The following DISC1 variants were observed in gnomAD, a reference collection of about 807,000 sequenced individuals.
DISC1 encodes the protein disrupted in schizophrenia 1 protein.
A neutral mutation model predicts 84.5 loss-of-function variants in DISC1; 57 were observed. The ratio of observed to expected loss-of-function variants is 0.67; its 90% CI spans 0.55 to 0.84. The LOEUF is 0.84. DISC1 is among the 40% of genes least tolerant of loss of function. The probability of loss-of-function intolerance (pLI) is 0.00; values close to 1 mark genes in which losing one functional copy is unlikely to be tolerated. For synonymous variants in DISC1, 411 were observed against 415.2 expected, an observed-to-expected ratio of 0.99 and a Z score of 0.12; for missense variants, 1,000 against 1,057.8, an observed-to-expected ratio of 0.95 and a Z score of 0.76.
intron 9 of DISC1, among the ~76,000 whole-genome samples, chr1:231,834,431 G>A (rs955544208): frequency 1.4e-4 from 22 of 152,054 alleles, no homozygotes; most frequent in African/African-American, 4.8e-4. Flanking sequence ...GGGAGGGACC[G>A]ATGTGTAAAA....
chr1:231,868,629 G>A (rs4658885), intron 9 of DISC1, among the ~76,000 whole-genome samples: 119,708 of 148,116 alleles, frequency 0.81, 49,001 homozygotes, highest in East Asian at 0.99. Context: ...GGAGGCTGAC[G>A]TGGGGATCAC....
chr1:231,889,821 C>A (rs186798741), intron 9 of DISC1, among the ~76,000 whole-genome samples: 3 of 151,996 alleles, frequency 2.0e-5, no homozygotes, highest in African/African-American at 7.3e-5. Context: ...CTGTCATAGA[C>A]GACACTGTGT....
chr1:231,933,715 TA>T (rs1408608416), intron 9 of DISC1, among the ~76,000 whole-genome samples: 2 of 152,224 alleles, frequency 1.3e-5, no homozygotes, highest in Non-Finnish European at 2.9e-5. Context: ...CTTTTAAAAT[TA>T]AATATGTCTC....
intron 9 of DISC1, among the ~76,000 whole-genome samples, chr1:231,921,976 A>G (rs2090040631): frequency 6.6e-6 from 1 of 152,150 alleles, no homozygotes; most frequent in South Asian, 2.1e-4. Flanking sequence ...TTTGATCACC[A>G]TCTGCCTTTT....
chr1:231,991,519 C>T (rs1357913228), intron 10 of DISC1, among the ~76,000 whole-genome samples: 2 of 152,144 alleles, frequency 1.3e-5, no homozygotes, highest in African/African-American at 4.8e-5. Context: ...CTGAAGGGCA[C>T]TTACTAGGAA....
At chr1:232,018,327 A>G (rs555315259) in intron 11 of DISC1, among the ~76,000 whole-genome samples, 62 of 152,158 alleles carry the variant, frequency 4.1e-4, no homozygotes, top group Non-Finnish European at 7.2e-4. Context: ...TCCACATGTC[A>G]TAGGGAAAGA....
chr1:231,967,231 C>G (rs1264040172), intron 10 of DISC1, among the ~76,000 whole-genome samples: 1 of 152,192 alleles, frequency 6.6e-6, no homozygotes, highest in Admixed American at 6.5e-5. Context: ...CCAAGGCTCC[C>G]AGAGCCTGTG....
chr1:231,953,470 C>A (rs9431735), intron 9 of DISC1, among the ~76,000 whole-genome samples: 5 of 151,942 alleles, frequency 3.3e-5, no homozygotes, highest in Admixed American at 3.3e-4. Flanking sequence ...ATTATGTTAC[C>A]TCTTCATCCT....
chr1:231,851,403 C>T (rs11580219), intron 9 of DISC1, among the ~76,000 whole-genome samples: 86,755 of 152,028 alleles, frequency 0.57, 25,606 homozygotes, highest in East Asian at 0.83. Context: ...AGAGTTGGGG[C>T]GATAAATATT....
chr1:231,984,323 T>A (rs537606580), intron 10 of DISC1, among the ~76,000 whole-genome samples: 8 of 152,190 alleles, frequency 5.3e-5, no homozygotes, highest in Non-Finnish European at 1.2e-4. Flanking sequence ...AGTAGAGAAA[T>A]TGGATGATTG....
intron 6 of DISC1, among the ~76,000 whole-genome samples, chr1:231,778,998 A>C (rs2077172011): frequency 6.6e-6 from 1 of 152,174 alleles, no homozygotes; most frequent in South Asian, 2.1e-4. Flanking sequence ...AAACGAGATC[A>C]TAAGAACTGA....
chr1:232,009,517 A>G lies in DISC1; in HGVS notation c.2307+468A>G, dbSNP rs1667845395. On this transcript the variant is annotated intron_variant, in intron 11 of 12. Coordinates refer to ENST00000439617, the MANE Select transcript of DISC1 (RefSeq NM_018662.3). The surrounding 1 kb of genome is among the most constrained non-coding windows in gnomAD (Gnocchi z 4.6). ...ATTATTTATTTGAATGAAACATTCA[A>G]ATATATGTATTTATCCCATTAATTG... 6.4e-6 allele frequency: 5 copies of G among 784,042 alleles called. No individual in the cohort carries two copies. Among genetic ancestry groups the G allele is most frequent in the South Asian group, 1.2e-4 (2 of 16,990 alleles). 48.6% of individuals were successfully genotyped at this position (784,042 alleles called of 1,614,324 possible). A position where few individuals can be genotyped will look rare whatever the true frequency, so the allele number is the denominator to read the frequency against.
chr1:231,744,815 G>T (rs2073781342), intron 3 of DISC1, among the ~76,000 whole-genome samples: 2 of 152,096 alleles, frequency 1.3e-5, no homozygotes, highest in Non-Finnish European at 1.5e-5. Context: ...GATAGACAGA[G>T]AAGTTTTTAT....
chr1:231,850,483 G>A (rs2083813905), intron 9 of DISC1, among the ~76,000 whole-genome samples: 1 of 152,218 alleles, frequency 6.6e-6, no homozygotes, highest in South Asian at 2.1e-4. Context: ...AAATCTTCCC[G>A]AGTTGTGCGG....
chr1:231,860,418 G>A (rs2084561468), intron 9 of DISC1, among the ~76,000 whole-genome samples: 1 of 152,078 alleles, frequency 6.6e-6, no homozygotes, highest in South Asian at 2.1e-4. Flanking sequence ...AAATGCTCCT[G>A]TCAGCATTTC....
intron 9 of DISC1, among the ~76,000 whole-genome samples, chr1:231,924,237 G>A (rs1208087382): frequency 6.6e-6 from 1 of 152,212 alleles, no homozygotes; most frequent in Non-Finnish European, 1.5e-5. Flanking sequence ...TCCTTTGCGG[G>A]TCCCATCTGT....
chr1:231,850,039 G>A (rs942018012), intron 9 of DISC1, among the ~76,000 whole-genome samples: 1 of 152,180 alleles, frequency 6.6e-6, no homozygotes, highest in Non-Finnish European at 1.5e-5. Flanking sequence ...GCTTGCTTGA[G>A]ATTTCTCTAT....
chr1:231,830,286 C>A (rs1030887168), intron 9 of DISC1, among the ~76,000 whole-genome samples: 1 of 151,818 alleles, frequency 6.6e-6, no homozygotes, highest in Non-Finnish European at 1.5e-5. Flanking sequence ...TGATATTGTG[C>A]GGTTGTTAGA....
At chr1:231,651,717 C>A (rs1015896180) in intron 1 of DISC1, among the ~76,000 whole-genome samples, 2 of 152,248 alleles carry the variant, frequency 1.3e-5, no homozygotes, top group African/African-American at 2.4e-5. Context: ...AGGCAGCAGG[C>A]CTTGGAGAGC....
Sources: allele counts gnomAD v4.1 joint callset (sites outside exome capture counted in the v4.1 genomes callset), GRCh38; gene constraint gnomAD v4.1.1; non-coding constraint Gnocchi (gnomAD v3.1); transcripts MANE v1.5; gene names NCBI Gene and HGNC (gene_info 2026-07-23, HGNC 2026-07-21).